Variants in SLC12A6 observed in about 807,000 individuals in gnomAD.
The protein encoded by SLC12A6 is K-Cl cotransporter 3.
In SLC12A6, 66 loss-of-function variants were observed where a neutral mutation model predicts 135.3. The ratio of observed to expected loss-of-function variants is 0.49; its 90% CI spans 0.40 to 0.60. The LOEUF (loss-of-function observed/expected upper bound fraction) is 0.60. Ranked by LOEUF, SLC12A6 falls within the 20% of genes least tolerant of loss-of-function variation. The pLI, the probability that SLC12A6 is intolerant of heterozygous loss-of-function variation, is 0.00. For synonymous variants in SLC12A6, 513 were observed against 508.8 expected, an observed-to-expected ratio of 1.01 and a Z score of -0.11; for missense variants, 1,058 against 1,452.3, an observed-to-expected ratio of 0.73 and a Z score of 4.41.
At chr15:34,288,498 A>G (rs1236268311) in intron 2 of SLC12A6, among the ~76,000 whole-genome samples, 1 of 152,212 alleles carries the variant, frequency 6.6e-6, no homozygotes, top group Non-Finnish European at 1.5e-5. Context: ...ACTTTAAAGT[A>G]GTTTTTTCCC....
intron 2 of SLC12A6, among the ~76,000 whole-genome samples, chr15:34,321,875 A>G (rs546897363): frequency 7.5e-4 from 115 of 152,364 alleles, no homozygotes; most frequent in African/African-American, 2.8e-3. Context: ...AGTACATAAT[A>G]TGTGAATCCA....
At chr15:34,256,664 G>C (rs1047796680) in intron 6 of SLC12A6, among the ~76,000 whole-genome samples, 5 of 152,226 alleles carry the variant, frequency 3.3e-5, no homozygotes, top group African/African-American at 4.8e-5. Flanking sequence ...ACAATGTTCA[G>C]TAAGAAAGGG....
chr15:34,243,942 G>GT lies in SLC12A6; in HGVS notation c.2042+31dup, dbSNP rs1354978335. 9 of 1,272,274 alleles carry GT rather than the reference G, an allele frequency of 7.1e-6. No homozygotes were observed. In the African/African-American group the frequency reaches 8.8e-5, roughly 12 times the overall value. 78.8% of individuals were successfully genotyped at this position (1,272,274 alleles called of 1,614,324 possible). The stretch of plus-strand genomic sequence containing the variant: ...GTTCAAAGATGGGTTCTCTCCAAAC[G>GT]TGAGTAAAAAGAATAAAAGAAGCAG... On this transcript the variant is annotated intron_variant, in intron 16 of 25. Transcript: ENST00000354181.
At chr15:34,326,628 T>C (rs750546601) in intron 2 of SLC12A6, among the ~76,000 whole-genome samples, 3 of 152,142 alleles carry the variant, frequency 2.0e-5, no homozygotes, top group Non-Finnish European at 4.4e-5. Context: ...ATACCTATTC[T>C]TATGCCAGAT....
intron 20 of SLC12A6, 68 bp downstream of exon 20, chr15:34,238,897 G>C: frequency 7.6e-7 from 1 of 1,316,782 alleles, no homozygotes; most frequent in Admixed American, 1.7e-5. Context: ...AGGAGGCTGG[G>C]GGTGACAGAG....
chr15:34,252,413 CAAGT>C, intron 9 of SLC12A6, 29 bp from the exon 10 acceptor site: 1 of 1,319,392 alleles, frequency 7.6e-7, no homozygotes, highest in Non-Finnish European at 1.1e-6. Flanking sequence ...GGAGAAAGAT[CAAGT>C]AAGGAAAAAA....
At chr15:34,257,895 G>A in intron 5 of SLC12A6, 107 bp from the exon 6 acceptor site, 1 of 732,878 alleles carries the variant, frequency 1.4e-6, no homozygotes, top group Non-Finnish European at 2.4e-6. Context: ...CCTCCAAGCA[G>A]AAATCATAAG....
At chr15:34,318,053 T>C (rs370063694) in intron 2 of SLC12A6, among the ~76,000 whole-genome samples, 5 of 152,212 alleles carry the variant, frequency 3.3e-5, no homozygotes, top group East Asian at 3.8e-4. Flanking sequence ...ATTATTGAAT[T>C]ATAGTTTAAG....
intron 3 of SLC12A6, among the ~76,000 whole-genome samples, chr15:34,273,053 A>G (rs999241421): frequency 3.3e-5 from 5 of 152,190 alleles, no homozygotes; most frequent in African/African-American, 1.2e-4. Flanking sequence ...TATCCAATAT[A>G]AAAGTATAAA....
chr15:34,318,880 T>A, intron 2 of SLC12A6: 1 of 1,354,696 alleles, frequency 7.4e-7, no homozygotes, highest in South Asian at 1.5e-5. Flanking sequence ...CCTTCCACAG[T>A]GTTTATCATT....
intron 2 of SLC12A6, among the ~76,000 whole-genome samples, chr15:34,287,486 T>A (rs575933217): frequency 6.6e-6 from 1 of 152,346 alleles, no homozygotes; most frequent in Non-Finnish European, 1.5e-5. Context: ...CCTTTGGGTA[T>A]ATGCCCAGTA....
intron 15 of SLC12A6, 76 bp from the exon 16 acceptor site, chr15:34,244,148 G>T: frequency 2.3e-6 from 2 of 886,250 alleles, no homozygotes; most frequent in Non-Finnish European, 3.9e-6. Flanking sequence ...GAATACCTTT[G>T]CTGTATTGAA....
chr15:34,313,460 G>T (rs192006589), intron 2 of SLC12A6, among the ~76,000 whole-genome samples: 2 of 152,156 alleles, frequency 1.3e-5, no homozygotes, highest in African/African-American at 4.8e-5. Flanking sequence ...CAAAATAAAA[G>T]TTTGAAGCTA....
chr15:34,246,001 T>G, intron 13 of SLC12A6, 134 bp from the exon 14 acceptor site: 1 of 746,664 alleles, frequency 1.3e-6, no homozygotes, highest in Non-Finnish European at 2.4e-6. Context: ...GGTGTGATCT[T>G]GGCTCACTCC....
intron 2 of SLC12A6, among the ~76,000 whole-genome samples, chr15:34,327,868 CT>C (rs1210971746): frequency 6.6e-6 from 1 of 151,856 alleles, no homozygotes; most frequent in Non-Finnish European, 1.5e-5. Flanking sequence ...AAATGTAGAC[CT>C]GTCTGGTAAA....
intron 2 of SLC12A6, among the ~76,000 whole-genome samples, chr15:34,296,556 G>A (rs1895888338): frequency 2.6e-5 from 4 of 152,088 alleles, no homozygotes; most frequent in Admixed American, 2.6e-4. Flanking sequence ...TAATTATCCA[G>A]GGAAGATAAT....
chr15:34,238,657 T>C (rs1192754672), intron 20 of SLC12A6: 1 of 598,354 alleles, frequency 1.7e-6, no homozygotes, highest in Non-Finnish European at 3.0e-6. Flanking sequence ...ATTTGAGAGA[T>C]TATGATGCTG....
In SLC12A6 at chr15:34,260,964, CT is replaced by C; in HGVS notation, c.372del (p.Gly125GlufsTer35). 6.4e-7 allele frequency: 1 copy of C among 1,567,490 alleles called. No homozygotes were observed. Among genetic ancestry groups the C allele is most frequent in the Non-Finnish European group, 8.8e-7 (1 of 1,137,696 alleles). On this transcript the variant is annotated frameshift_variant, in exon 4 of 26. Transcript: ENST00000354181. LOFTEE classifies it high-confidence loss of function. ...AAATTTTTATCAAAATATTCATCTC[CT>C]TCTTCATAATTGGAATTATTGAGAT... ...NAYLNNSNYE[E>X]GDEYFDKNLA...
chr15:34,252,362 T>A lies in SLC12A6; in HGVS notation c.1141A>T (p.Thr381Ser). ...HFPVCMLGNR[T>S]LSSRHIDVCS... ...ACGTCAATGTGTCTTGATGAAAGGG[T>A]GCGGTTACCCAGCATGCAGACCCTA... Residue 381 changes from threonine (T) to serine (S), a missense_variant, in exon 10 of 26, where the codon ACC becomes TCC. By Grantham distance (58) the Thr-to-Ser change is moderately conservative (BLOSUM62 1). Coordinates refer to ENST00000354181, the MANE Select transcript of SLC12A6 (RefSeq NM_001365088.1). The A allele has an allele frequency of 6.2e-7, 1 of 1,610,928 alleles. No individual in the cohort carries two copies. Among genetic ancestry groups the A allele is most frequent in the Non-Finnish European group, 8.5e-7 (1 of 1,177,552 alleles).
Sources: allele counts gnomAD v4.1 joint callset (sites outside exome capture counted in the v4.1 genomes callset), GRCh38; gene constraint gnomAD v4.1.1; transcripts MANE v1.5; gene names NCBI Gene and HGNC (gene_info 2026-07-23, HGNC 2026-07-21).